The following CCDC178 variants were observed in gnomAD, a reference collection of about 807,000 sequenced individuals.
CCDC178 encodes the protein coiled-coil domain-containing protein 178.
A neutral mutation model predicts 117.4 loss-of-function variants in CCDC178; 126 were observed. That is an observed-to-expected ratio of 1.07 (90% CI 0.93 to 1.24). The LOEUF (loss-of-function observed/expected upper bound fraction) is 1.24, where lower values mean the gene tolerates loss of function less well. CCDC178 is among the 50% of genes most tolerant of loss of function. The pLI is 0.00. For missense variants in CCDC178, 1,030 were observed against 986.9 expected (o/e 1.04, Z -0.59); for synonymous variants, 283 against 313.4 (o/e 0.90, Z 1.02).
chr18:32,977,915 A>G (rs999023596), intron 21 of CCDC178, among the ~76,000 whole-genome samples: 1 of 152,206 alleles, frequency 6.6e-6, no homozygotes, highest in Non-Finnish European at 1.5e-5. Flanking sequence ...AAAGCAAGTA[A>G]TGGAAAGATG....
At chr18:33,227,577 TATACACACAC>T (rs1238533085) in intron 15 of CCDC178, among the ~76,000 whole-genome samples, 2 of 138,612 alleles carry the variant, frequency 1.4e-5, no homozygotes, top group East Asian at 4.2e-4. Flanking sequence ...TATATATATA[TATACACACAC>T]ACACACACAC....
chr18:33,107,890 A>G (rs1449349268), intron 20 of CCDC178, among the ~76,000 whole-genome samples: 1 of 151,710 alleles, frequency 6.6e-6, no homozygotes, highest in East Asian at 1.9e-4. Context: ...GAAAAATGTT[A>G]AAGTTTCTCA....
intron 3 of CCDC178, among the ~76,000 whole-genome samples, chr18:33,407,266 C>T (rs2063794452): frequency 1.3e-5 from 2 of 152,036 alleles, no homozygotes; most frequent in Admixed American, 1.3e-4. Flanking sequence ...TTTGACTCTC[C>T]AATCCTTTTT....
At chr18:33,398,639 A>G (rs921367021) in intron 3 of CCDC178, among the ~76,000 whole-genome samples, 1 of 152,194 alleles carries the variant, frequency 6.6e-6, no homozygotes, top group Non-Finnish European at 1.5e-5. Context: ...GTGTTAATAC[A>G]TATTTGCTGA....
chr18:33,325,331 C>G (rs1466065686), intron 10 of CCDC178, among the ~76,000 whole-genome samples: 2 of 151,884 alleles, frequency 1.3e-5, no homozygotes. Flanking sequence ...CCTAGATTTT[C>G]TGCTGTTAAA....
At chr18:33,260,535 T>A (rs543654373) in intron 14 of CCDC178, among the ~76,000 whole-genome samples, 1 of 151,836 alleles carries the variant, frequency 6.6e-6, no homozygotes, top group South Asian at 2.1e-4. Context: ...TCTTCTCAGA[T>A]ATAGCTATAA....
chr18:33,007,272 G>T (rs1046855409), intron 21 of CCDC178, among the ~76,000 whole-genome samples: 4 of 152,034 alleles, frequency 2.6e-5, no homozygotes, highest in African/African-American at 9.7e-5. Flanking sequence ...AGTTATAGTT[G>T]TAACAACAGG....
rs769971347 is a variant in CCDC178 at position 33,415,566 on chromosome 18, G to GGGGA, written c.-22-3460_-22-3457dup. ...GGGCCTGTCGTGGGGTGGGGGGATG[G>GGGGA]GGGATAGCATTAGGAGATATACCTA... On this transcript the variant is annotated intron_variant, in intron 2 of 22. Transcript: ENST00000383096. Among the ~76,000 whole-genome samples, 126 of 151,860 alleles carry GGGGA rather than the reference G, an allele frequency of 8.3e-4. 2 individuals carry two copies. In the Middle Eastern group the frequency reaches 0.014, roughly 16 times the overall value.
At chr18:33,304,939 C>T (rs1331799023) in intron 11 of CCDC178, among the ~76,000 whole-genome samples, 1 of 152,140 alleles carries the variant, frequency 6.6e-6, no homozygotes, top group Admixed American at 6.5e-5. Context: ...TAATGTTCAA[C>T]CTCTTCATTT....
intron 21 of CCDC178, among the ~76,000 whole-genome samples, chr18:32,987,287 T>A (rs560764125): frequency 4.9e-4 from 74 of 151,792 alleles, no homozygotes; most frequent in Non-Finnish European, 6.3e-4. Flanking sequence ...AGATAGAAAC[T>A]AAATAATAAA....
intron 9 of CCDC178, among the ~76,000 whole-genome samples, chr18:33,337,185 C>T (rs2062752380): frequency 7.0e-6 from 1 of 143,606 alleles, no homozygotes. Flanking sequence ...TTCCTAATTT[C>T]TCAGTTTGGA....
chr18:33,120,617 A>G (rs2057924319), intron 20 of CCDC178, among the ~76,000 whole-genome samples: 1 of 152,182 alleles, frequency 6.6e-6, no homozygotes, highest in Non-Finnish European at 1.5e-5. Context: ...TGAGGGTAAA[A>G]GAAATATGAA....
At chr18:33,230,666 C>T (rs763977390) in intron 15 of CCDC178, among the ~76,000 whole-genome samples, 19 of 152,054 alleles carry the variant, frequency 1.2e-4, no homozygotes, top group African/African-American at 4.3e-4. Flanking sequence ...CCCATTACAA[C>T]GTCACAATCA....
intron 21 of CCDC178, among the ~76,000 whole-genome samples, chr18:32,990,339 C>T (rs909362990): frequency 2.0e-5 from 3 of 152,120 alleles, no homozygotes; most frequent in East Asian, 3.9e-4. Context: ...GAGACATTTG[C>T]CCTGCGATAT....
In CCDC178 at chr18:33,202,548, T is replaced by C. The variant is rs181121682; in HGVS notation, c.2238+9348A>G. 4.6e-3 allele frequency among the ~76,000 whole-genome samples: 693 copies of C among 152,256 alleles called. 12 individuals are homozygous for C. The highest frequency in any genetic ancestry group is 2.8e-3 in the Non-Finnish European group (189 of 68,018). The stretch of plus-strand genomic sequence containing the variant: ...GATGGCACCACCTCTTACCTTCTAA[T>C]GTTTTCTTCACATGACACACGATTT... On this transcript the variant is annotated intron_variant, in intron 20 of 22. Coordinates refer to ENST00000383096, the MANE Select transcript of CCDC178 (RefSeq NM_001105528.4).
intron 5 of CCDC178, among the ~76,000 whole-genome samples, chr18:33,370,490 G>A (rs888627477): frequency 1.3e-5 from 2 of 151,436 alleles, no homozygotes; most frequent in Non-Finnish European, 3.0e-5. Flanking sequence ...AAAAAATGAA[G>A]GAAAAAAAGG....
intron 12 of CCDC178, among the ~76,000 whole-genome samples, chr18:33,274,333 G>A (rs893526185): frequency 4.6e-5 from 7 of 151,978 alleles, no homozygotes; most frequent in Admixed American, 4.6e-4. Flanking sequence ...AGTCACTTTG[G>A]AAAATAGTTC....
chr18:33,077,147 A>C (rs546723867), intron 21 of CCDC178, among the ~76,000 whole-genome samples: 1 of 152,362 alleles, frequency 6.6e-6, no homozygotes, highest in Admixed American at 6.5e-5. Flanking sequence ...ATACTTTTGC[A>C]TTTAAAGAGA....
At chr18:33,226,956 A>C in intron 15 of CCDC178, 101 bp from the exon 16 acceptor site, 1 of 448,098 alleles carries the variant, frequency 2.2e-6, no homozygotes, top group Non-Finnish European at 3.9e-6. Flanking sequence ...TAATGTTTCA[A>C]TATAGAGTAA....
Sources: gnomAD v4.1 joint callset for allele counts (sites outside exome capture counted in the v4.1 genomes callset) on GRCh38, gnomAD v4.1.1 for gene constraint, MANE v1.5 for transcripts, NCBI Gene and HGNC (gene_info 2026-07-23, HGNC 2026-07-21) for gene names.